ZNF420: variants seen among roughly 807,000 people sequenced by gnomAD.
ZNF420 encodes the protein ATM and p53-associated KZNF protein.
In ZNF420, 31 loss-of-function variants were observed where a neutral mutation model predicts 44.7. The observed-to-expected ratio is 0.69, with a 90% confidence interval of 0.52 to 0.94. ZNF420 has a LOEUF of 0.94. Ranked by LOEUF, ZNF420 falls within the 40% of genes least tolerant of loss-of-function variation. ZNF420 has a pLI of 0.00. For missense variants in ZNF420, 681 were observed against 827.9 expected (o/e 0.82, Z 2.18); for synonymous variants, 245 against 267.4 (o/e 0.92, Z 0.82).
At chr19:37,035,108 A>G (rs1599607307) in intron 1 of ZNF420, among the ~76,000 whole-genome samples, 2 of 152,352 alleles carry the variant, frequency 1.3e-5, no homozygotes, top group South Asian at 4.1e-4. Context: ...AGCTTCACCC[A>G]TCACAAGTGG....
chr19:37,091,936 C>G (rs2049152), intron 4 of ZNF420: 1 of 134,560 alleles, frequency 7.4e-6, no homozygotes, highest in Non-Finnish European at 1.6e-5. Flanking sequence ...TCTCAAAAAA[C>G]AAAAAAAAAA....
At chr19:37,040,322 G>A (rs1967431128) in intron 1 of ZNF420, among the ~76,000 whole-genome samples, 2 of 151,978 alleles carry the variant, frequency 1.3e-5, no homozygotes, top group African/African-American at 2.4e-5. Flanking sequence ...CATCTCTCTC[G>A]GCCTTCATAA....
In ZNF420 at chr19:37,130,028, A is replaced by G. The variant is rs562412496; in HGVS notation, c.*970A>G. The G allele has an allele frequency of 1.3e-5, 20 of 1,530,940 alleles. No individual in the cohort carries two copies. The East Asian group carries it at 3.7e-4, about 28-fold the overall frequency. 94.8% of individuals were successfully genotyped at this position (1,530,940 alleles called of 1,614,324 possible). A position where few individuals can be genotyped will look rare whatever the true frequency, so the allele number is the denominator to read the frequency against. On this transcript the variant is annotated 3_prime_UTR_variant, in exon 5 of 5. Coordinates refer to ENST00000337995, the MANE Select transcript of ZNF420 (RefSeq NM_144689.5). ...TTTTAGTAACAAATTTCTGGGCTGA[A>G]AATCTCAGCCTTCCTTGCAGGTCAA...
chr19:37,102,783 A>G (rs538625328), intron 4 of ZNF420, among the ~76,000 whole-genome samples: 54 of 152,276 alleles, frequency 3.5e-4, no homozygotes, highest in African/African-American at 1.2e-3. Context: ...CATCTTGCTG[A>G]CGTCACTCCC....
chr19:37,117,837 A>G (rs1970783206), intron 4 of ZNF420, among the ~76,000 whole-genome samples: 1 of 152,244 alleles, frequency 6.6e-6, no homozygotes, highest in South Asian at 2.1e-4. Context: ...CAGAAGCCTC[A>G]GGAGCCGACA....
intron 1 of ZNF420, among the ~76,000 whole-genome samples, chr19:37,026,760 C>T (rs1967167650): frequency 6.6e-6 from 1 of 152,270 alleles, no homozygotes; most frequent in East Asian, 1.9e-4. Flanking sequence ...CCACGCCTGG[C>T]TAAAAAAACC....
chr19:37,128,900 C>G lies in ZNF420; in HGVS notation c.1909C>G (p.His637Asp). ...SSHLSRHQRIHTGEKPYQCKE... is the reference protein window; with the variant it reads ...SSHLSRHQRIDTGEKPYQCKE... ...ACATCTTTCTCGGCATCAGAGAATT[C>G]ATACTGGTGAGAAACCATATCAATG... The change falls in exon 5 of 5, where the codon CAT becomes GAT. Residue 637 changes from histidine to aspartate, a missense_variant. This residue lies in a region of ZNF420 where 280 missense variants were observed against 338.6 expected (regional missense o/e 0.83). Coordinates refer to ENST00000337995, the MANE Select transcript of ZNF420 (RefSeq NM_144689.5). 1 of 1,614,056 alleles carries G rather than the reference C, an allele frequency of 6.2e-7. No homozygotes were observed.
chr19:37,103,967 A>ATTTTTTTTTTTTTTTTTTTTTT (rs58366687), intron 4 of ZNF420, among the ~76,000 whole-genome samples: 1 of 144,272 alleles, frequency 6.9e-6, no homozygotes. Context: ...CTCTTCTCTC[A>ATTTTTTTTTTTTTTTTTTTTTT]TTTTTTTTTT....
At chr19:37,066,468 A>G (rs1354214692) in intron 1 of ZNF420, among the ~76,000 whole-genome samples, 1 of 152,178 alleles carries the variant, frequency 6.6e-6, no homozygotes, top group African/African-American at 2.4e-5. Flanking sequence ...CTCAACAATA[A>G]AAAGATGAAC....
At chr19:37,039,705 T>C (rs1213270033) in intron 1 of ZNF420, among the ~76,000 whole-genome samples, 4 of 144,842 alleles carry the variant, frequency 2.8e-5, no homozygotes, top group South Asian at 2.1e-4. Context: ...TTCTTTCTTT[T>C]TTTTTTTTTT....
chr19:37,120,768 C>T (rs1404615182), intron 4 of ZNF420, among the ~76,000 whole-genome samples: 1 of 152,212 alleles, frequency 6.6e-6, no homozygotes, highest in Admixed American at 6.5e-5. Flanking sequence ...TAAGCAACTA[C>T]AGCAAAGTCT....
intron 2 of ZNF420, among the ~76,000 whole-genome samples, chr19:37,088,486 G>A (rs1176947163): frequency 1.3e-5 from 2 of 152,050 alleles, no homozygotes; most frequent in Non-Finnish European, 2.9e-5. Context: ...TGATGGCAAT[G>A]CTAATTGTGT....
chr19:37,095,689 C>T (rs191510292), intron 4 of ZNF420, among the ~76,000 whole-genome samples: 53 of 152,226 alleles, frequency 3.5e-4, no homozygotes, highest in Admixed American at 3.1e-3. Context: ...ACCTCCGCTT[C>T]CCAGGTTCAA....
rs751661860 is a variant in ZNF420 at position 37,089,123 on chromosome 19, C to A, written c.5C>A (p.Ala2Asp). The change falls in exon 3 of 5, where the codon GCT becomes GAT. Residue 2 changes from alanine to aspartate, a missense_variant. Physicochemically the swap from Ala to Asp is moderately radical, Grantham distance 126. Transcript: ENST00000337995. ...TTTCTTGCAGCTCTAAAAACCATGG[C>A]TCGGGTAAATTGGAGTTTCCTTGTG... M[A>D]RKLVMFRDVA... 1 of 1,613,212 alleles carries A rather than the reference C, an allele frequency of 6.2e-7. No homozygotes were observed. Among genetic ancestry groups the A allele is most frequent in the Non-Finnish European group, 8.5e-7 (1 of 1,179,304 alleles).
At chr19:37,084,586 C>T (rs1009003073) in intron 2 of ZNF420, among the ~76,000 whole-genome samples, 6 of 152,128 alleles carry the variant, frequency 3.9e-5, no homozygotes, top group East Asian at 3.9e-4. Flanking sequence ...TTTCTGAAAA[C>T]GTTTGTGAAA....
intron 1 of ZNF420, among the ~76,000 whole-genome samples, chr19:37,073,399 G>C (rs895894055): frequency 2.6e-5 from 4 of 152,090 alleles, no homozygotes; most frequent in Non-Finnish European, 5.9e-5. Flanking sequence ...CTCACAAAGT[G>C]GCTAATTCCA....
At chr19:37,036,233 T>C (rs891053167) in intron 1 of ZNF420, among the ~76,000 whole-genome samples, 7 of 152,200 alleles carry the variant, frequency 4.6e-5, no homozygotes, top group African/African-American at 1.7e-4. Flanking sequence ...AGAAGAAAGA[T>C]TTGGAATGTT....
In ZNF420 at chr19:37,130,216, A is replaced by C; in HGVS notation, c.*1158A>C. On this transcript the variant is annotated 3_prime_UTR_variant, in exon 5 of 5. Transcript: ENST00000337995. ...GTTATGGATCATGGAGCAGAAATAC[A>C]GAAGGAGTCTGCAACCCTGATGACT... 1 of 1,548,628 alleles carries C rather than the reference A, an allele frequency of 6.5e-7. No homozygotes were observed. Among genetic ancestry groups the C allele is most frequent in the African/African-American group, 1.4e-5 (1 of 73,086 alleles).
chr19:37,041,243 G>T (rs781126078), intron 1 of ZNF420, among the ~76,000 whole-genome samples: 13 of 151,466 alleles, frequency 8.6e-5, no homozygotes, highest in Non-Finnish European at 1.8e-4. Context: ...TCCAGGAGGC[G>T]GAGGTTGCAG....
Sources: gnomAD v4.1 joint callset for allele counts (sites outside exome capture counted in the v4.1 genomes callset) on GRCh38, gnomAD v4.1.1 for gene constraint, gnomAD v4.1.1 regional missense constraint, MANE v1.5 for transcripts, NCBI Gene and HGNC (gene_info 2026-07-23, HGNC 2026-07-21) for gene names.